The following TTC28 variants were observed in gnomAD, a reference collection of about 807,000 sequenced individuals.
The protein encoded by TTC28 is tetratricopeptide repeat domain 28.
Under a neutral mutation model 198.0 loss-of-function variants are expected in TTC28, and 61 were observed. The ratio of observed to expected loss-of-function variants is 0.31; its 90% CI spans 0.25 to 0.38. The LOEUF (loss-of-function observed/expected upper bound fraction) is 0.38, where lower values mean the gene tolerates loss of function less well. Ranked by LOEUF, TTC28 falls within the 10% of genes least tolerant of loss-of-function variation. The pLI is 1.00. For synonymous variants in TTC28, 1,171 were observed against 1,297.8 expected, an observed-to-expected ratio of 0.90 and a Z score of 2.10; for missense variants, 2,678 against 3,164.0, an observed-to-expected ratio of 0.85 and a Z score of 3.69.
intron 2 of TTC28, among the ~76,000 whole-genome samples, chr22:28,509,835 A>G (rs1384921693): frequency 1.3e-5 from 2 of 152,186 alleles, no homozygotes; most frequent in African/African-American, 4.8e-5. Flanking sequence ...AAAAAATGAT[A>G]AGGGGGATAT....
At chr22:28,251,310 C>A (rs1249505141) in intron 5 of TTC28, among the ~76,000 whole-genome samples, 1 of 152,152 alleles carries the variant, frequency 6.6e-6, no homozygotes. Flanking sequence ...ATCATACTCA[C>A]CCCTATTTTT....
chr22:28,676,783 C>T (rs558768286), intron 1 of TTC28, among the ~76,000 whole-genome samples: 2 of 151,228 alleles, frequency 1.3e-5, no homozygotes, highest in African/African-American at 2.4e-5. Context: ...ACTCAGAAGG[C>T]TGAGGCAGAA....
intron 5 of TTC28, among the ~76,000 whole-genome samples, chr22:28,191,289 T>A (rs1302378727): frequency 6.6e-6 from 1 of 152,212 alleles, no homozygotes; most frequent in African/African-American, 2.4e-5. Flanking sequence ...TAAATAGAGA[T>A]GAAAACAATT....
At chr22:28,359,319 T>A (rs2046124067) in intron 2 of TTC28, among the ~76,000 whole-genome samples, 1 of 152,182 alleles carries the variant, frequency 6.6e-6, no homozygotes, top group South Asian at 2.1e-4. Context: ...TTTGTTTGAC[T>A]GTAGTCATGT....
At chr22:28,208,067 AG>A (rs1439604899) in intron 5 of TTC28, among the ~76,000 whole-genome samples, 2 of 152,284 alleles carry the variant, frequency 1.3e-5, no homozygotes, top group East Asian at 3.9e-4. Flanking sequence ...AACCTATAGT[AG>A]GTATATGCTT....
intron 2 of TTC28, among the ~76,000 whole-genome samples, chr22:28,539,157 T>G (rs571388868): frequency 2.0e-5 from 3 of 152,234 alleles, no homozygotes; most frequent in Admixed American, 2.0e-4. Flanking sequence ...TGATGCAACA[T>G]CAGATTGTCC....
At chr22:28,590,640 T>C (rs2050410892) in intron 2 of TTC28, among the ~76,000 whole-genome samples, 1 of 151,868 alleles carries the variant, frequency 6.6e-6, no homozygotes, top group Non-Finnish European at 1.5e-5. Flanking sequence ...TTAGAACAAA[T>C]CTGTAAGAAG....
At position 28,163,897 on chromosome 22, in the gene TTC28, A is replaced by C; in HGVS notation, c.934-298T>G. 1.3e-5 allele frequency among the ~76,000 whole-genome samples: 2 copies of C among 152,172 alleles called. 1 individual carries two copies. Among genetic ancestry groups the C allele is most frequent in the Middle Eastern group, 6.3e-3 (2 of 316 alleles). ...GGTCAAGGAATTCCCTTTCCTAGTC[A>C]AAGAAAGGGGTGACAGACGGCACCT... On this transcript the variant is annotated intron_variant, in intron 5 of 22. Coordinates refer to ENST00000397906, the MANE Select transcript of TTC28 (RefSeq NM_001145418.2).
chr22:28,456,911 G>C (rs1446752031), intron 2 of TTC28, among the ~76,000 whole-genome samples: 1 of 152,132 alleles, frequency 6.6e-6, no homozygotes. Context: ...GCTACCACTT[G>C]TCTTCCATAC....
chr22:28,463,115 AG>A (rs5844810), intron 2 of TTC28, among the ~76,000 whole-genome samples: 7,359 of 152,286 alleles, frequency 0.048, 251 homozygotes, highest in African/African-American at 0.094. Flanking sequence ...ATTCCACAGA[AG>A]GAGGCTTTTG....
intron 12 of TTC28, among the ~76,000 whole-genome samples, chr22:28,084,401 G>T (rs920236171): frequency 6.6e-6 from 1 of 152,152 alleles, no homozygotes; most frequent in African/African-American, 2.4e-5. Context: ...AGGAAAACAG[G>T]GTCTGGAGTG....
At chr22:28,384,366 G>A (rs1261230297) in intron 2 of TTC28, among the ~76,000 whole-genome samples, 3 of 152,092 alleles carry the variant, frequency 2.0e-5, no homozygotes, top group Non-Finnish European at 4.4e-5. Flanking sequence ...GGGATTACAG[G>A]CCTGAGCCAT....
chr22:28,104,830 TAGATATTCTCTAGAGGGACA>T (rs1942249579), intron 8 of TTC28, among the ~76,000 whole-genome samples: 1 of 152,216 alleles, frequency 6.6e-6, no homozygotes, highest in Admixed American at 6.5e-5. Context: ...ATAGTTAGTT[TAGATATTCTCTAGAGGGACA>T]ACAGAGCCTG....
In TTC28 at chr22:28,651,771, C is replaced by A. The variant is rs146310507; in HGVS notation, c.103-21941G>T. Among the ~76,000 whole-genome samples the A allele has an allele frequency of 4.3e-4, 66 of 152,090 alleles. 1 individual carries two copies. The highest frequency in any genetic ancestry group is 1.5e-3 in the African/African-American group (62 of 41,490). On this transcript the variant is annotated intron_variant, in intron 1 of 22. Coordinates refer to ENST00000397906, the MANE Select transcript of TTC28 (RefSeq NM_001145418.2). ...AAGTTTTTCTGATCCCTTAATTATA[C>A]ATTTTAAGACAGCTAACTGAGAAAA...
intron 12 of TTC28, among the ~76,000 whole-genome samples, chr22:28,032,107 T>G (rs1939108452): frequency 6.7e-6 from 1 of 148,262 alleles, no homozygotes; most frequent in Non-Finnish European, 1.5e-5. Flanking sequence ...TTCCTTTATC[T>G]CTTTATAAAA....
chr22:28,265,836 C>T (rs1451713103), intron 5 of TTC28, among the ~76,000 whole-genome samples: 1 of 152,018 alleles, frequency 6.6e-6, no homozygotes, highest in Admixed American at 6.6e-5. Context: ...CAACAACACC[C>T]AGATAGAGGT....
intron 2 of TTC28, among the ~76,000 whole-genome samples, chr22:28,439,596 TCA>T (rs997830228): frequency 6.6e-6 from 1 of 152,130 alleles, no homozygotes; most frequent in Non-Finnish European, 1.5e-5. Context: ...CCTCTAAACC[TCA>T]GTTTGCTTAT....
chr22:28,121,858 TTTTTG>T (rs1438477497), intron 6 of TTC28, among the ~76,000 whole-genome samples: 2 of 152,088 alleles, frequency 1.3e-5, no homozygotes, highest in African/African-American at 2.4e-5. Flanking sequence ...TAAGCGTTTG[TTTTTG>T]TTTTGTTTTG....
At position 27,999,133 on chromosome 22, in the gene TTC28, T is replaced by C. The variant is rs1356105596; in HGVS notation, c.4526A>G (p.Glu1509Gly). The stretch of plus-strand genomic sequence containing the variant: ...CAGCTCGGACACCATGTAGGCCTCT[T>C]CCTCGGCCGATGGCATGGGCCCCCA... Reference protein sequence around the residue: ...WLWGPMPSAEEEAYMVSELLG... With the variant: ...WLWGPMPSAEGEAYMVSELLG... Residue 1509 changes from glutamate to glycine, a missense_variant, in exon 16 of 23, where the codon GAA becomes GGA. Transcript: ENST00000397906. The C allele has an allele frequency of 6.4e-7, 1 of 1,550,496 alleles. No individual in the cohort carries two copies. The highest frequency in any genetic ancestry group is 8.7e-7 in the Non-Finnish European group (1 of 1,146,974).
Sources: gnomAD v4.1 joint callset for allele counts (sites outside exome capture counted in the v4.1 genomes callset) on GRCh38, gnomAD v4.1.1 for gene constraint, MANE v1.5 for transcripts, NCBI Gene and HGNC (gene_info 2026-07-23, HGNC 2026-07-21) for gene names.